The following SYNE1 variants were observed in gnomAD, a reference collection of about 807,000 sequenced individuals.
SYNE1 encodes nesprin-1.
SYNE1 carries 616 observed loss-of-function variants against 1,111.0 expected under a neutral mutation model. The observed-to-expected ratio is 0.55, with a 90% confidence interval of 0.52 to 0.59. SYNE1 has a LOEUF of 0.59. Ranked by LOEUF, SYNE1 falls within the 20% of genes least tolerant of loss-of-function variation. SYNE1 has a pLI of 0.00. For synonymous variants in SYNE1, 3,855 were observed against 3,825.8 expected, an observed-to-expected ratio of 1.01 and a Z score of -0.28; for missense variants, 10,006 against 10,417.0, an observed-to-expected ratio of 0.96 and a Z score of 1.72.
intron 8 of SYNE1, among the ~76,000 whole-genome samples, chr6:152,509,548 C>A (rs1471723586): frequency 1.3e-5 from 2 of 152,036 alleles, no homozygotes; most frequent in Non-Finnish European, 2.9e-5. Flanking sequence ...TGAGTCACTG[C>A]GTCTGGCTGA....
At chr6:152,524,227 A>G (rs1456532431) in intron 5 of SYNE1, among the ~76,000 whole-genome samples, 3 of 152,114 alleles carry the variant, frequency 2.0e-5, no homozygotes, top group African/African-American at 7.2e-5. Context: ...TGTCCCTTCT[A>G]TGACTAGTTT....
chr6:152,313,914 T>G (rs1339218791), intron 87 of SYNE1, among the ~76,000 whole-genome samples: 1 of 152,132 alleles, frequency 6.6e-6, no homozygotes. Context: ...CAACCCACCC[T>G]ACTGCTCGAG....
At chr6:152,310,944 G>A in intron 87 of SYNE1, 71 bp from the exon 88 acceptor site, 1 of 1,490,812 alleles carries the variant, frequency 6.7e-7, no homozygotes, top group Non-Finnish European at 9.2e-7. Flanking sequence ...ATATAGCTTG[G>A]CATAAAATGC....
At chr6:152,415,797 A>G in intron 41 of SYNE1, among the ~76,000 whole-genome samples, 1 of 138,646 alleles carries the variant, frequency 7.2e-6, no homozygotes, top group African/African-American at 2.6e-5. Context: ...GGTAAAAAAA[A>G]AAAAAAAAAA....
In SYNE1 at chr6:152,156,182, T is replaced by C. The variant is rs1216237816; in HGVS notation, c.23791-85A>G. ...GAAGCAACCTATGTTGGTAAATGGC[T>C]AGGCTACACCTTGACAAATATTTAA... On this transcript the variant is annotated intron_variant, in intron 131 of 145. Coordinates refer to ENST00000367255, the MANE Select transcript of SYNE1 (RefSeq NM_182961.4). 28 of 1,375,778 alleles carry C rather than the reference T, an allele frequency of 2.0e-5. No homozygotes were observed. The East Asian group carries it at 6.4e-4, about 32-fold the overall frequency. The allele number at this position is 1,375,778 out of a possible 1,614,324, so 85.2% of individuals were successfully genotyped here.
In SYNE1 at chr6:152,401,158, C is replaced by T. The variant is rs1385505345; in HGVS notation, c.7009G>A (p.Glu2337Lys). ...CCTACCTTGACTTTTTTCAATGCTTCACAAGTCTCATTTTGGGCACAGTTC... is the reference window on the plus strand; with the variant it reads ...CCTACCTTGACTTTTTTCAATGCTTTACAAGTCTCATTTTGGGCACAGTTC... ...LMNCAQNETC[E>K]ALKKVKDIQK... Residue 2337 changes from glutamate to lysine, a missense_variant, in exon 47 of 146, where the codon GAA (glutamate) becomes AAA (lysine). Coordinates refer to ENST00000367255, the MANE Select transcript of SYNE1 (RefSeq NM_182961.4). 6.2e-7 allele frequency: 1 copy of T among 1,614,064 alleles called. No homozygotes were observed. Among genetic ancestry groups the T allele is most frequent in the Non-Finnish European group, 8.5e-7 (1 of 1,180,006 alleles).
chr6:152,260,305 T>G (rs1446859227), intron 101 of SYNE1, among the ~76,000 whole-genome samples: 1 of 152,096 alleles, frequency 6.6e-6, no homozygotes, highest in Non-Finnish European at 1.5e-5. Flanking sequence ...AAGATCCGTA[T>G]CAGGAACAAG....
chr6:152,260,312 C>G (rs904867743), intron 101 of SYNE1, among the ~76,000 whole-genome samples: 3 of 152,088 alleles, frequency 2.0e-5, no homozygotes, highest in Non-Finnish European at 2.9e-5. Context: ...GTATCAGGAA[C>G]AAGGAATTTG....
intron 92 of SYNE1, among the ~76,000 whole-genome samples, chr6:152,301,202 C>T (rs1036087960): frequency 2.0e-5 from 3 of 152,064 alleles, no homozygotes. Context: ...CTGTTATTGC[C>T]AAATGGGCTC....
At chr6:152,327,010 C>T (rs9371585) in intron 78 of SYNE1, among the ~76,000 whole-genome samples, 96,135 of 152,036 alleles carry the variant, frequency 0.63, 30,586 homozygotes, top group East Asian at 0.8. Flanking sequence ...TATAACAACA[C>T]GGCCAGGCGT....
intron 1 of SYNE1, 133 bp downstream of exon 1, chr6:152,637,056 G>C (rs2099706976): frequency 1.3e-5 from 2 of 152,410 alleles, no homozygotes; most frequent in Non-Finnish European, 2.9e-5. Context: ...CCTCTGGGCA[G>C]GGTCCCTGCA....
chr6:152,595,436 C>T (rs9478342), intron 3 of SYNE1, among the ~76,000 whole-genome samples: 16,772 of 152,196 alleles, frequency 0.11, 1,368 homozygotes, highest in East Asian at 0.44. Flanking sequence ...TCCCCGCTTT[C>T]AAGGCTCTGT....
At chr6:152,592,693 C>A (rs967324808) in intron 3 of SYNE1, among the ~76,000 whole-genome samples, 2 of 152,112 alleles carry the variant, frequency 1.3e-5, no homozygotes, top group African/African-American at 4.8e-5. Flanking sequence ...GCACAGGTAC[C>A]CTCTGTATCT....
chr6:152,338,458 C>CA (rs1415318365), intron 75 of SYNE1, among the ~76,000 whole-genome samples: 1 of 151,916 alleles, frequency 6.6e-6, no homozygotes, highest in East Asian at 2.0e-4. Context: ...CCTGTCTCTA[C>CA]AAAAAGTATA....
In SYNE1 at chr6:152,318,286, G is replaced by T. The variant is rs775633727; in HGVS notation, c.16390-23C>A. On this transcript the variant is annotated intron_variant, in intron 85 of 145. Transcript: ENST00000367255. ...CACCTTGATGGTCACCAAAATGAAAGAACATTAGAGTACAGAAAATAAATT... is the reference window on the plus strand; with the variant it reads ...CACCTTGATGGTCACCAAAATGAAATAACATTAGAGTACAGAAAATAAATT... The T allele has an allele frequency of 4.3e-6, 7 of 1,613,504 alleles. No individual in the cohort carries two copies. The Admixed American group carries it at 8.3e-5, about 19-fold the overall frequency.
rs376607053 is a variant in SYNE1, at chr6:152,491,018, C to T, written c.940-2515G>A. 1.6e-4 allele frequency among the ~76,000 whole-genome samples: 24 copies of T among 152,334 alleles called. 2 individuals carry two copies. The highest frequency in any genetic ancestry group is 1.0e-3 in the Admixed American group (16 of 15,310). On this transcript the variant is annotated intron_variant, in intron 11 of 145. Coordinates refer to ENST00000367255, the MANE Select transcript of SYNE1 (RefSeq NM_182961.4). ...TTTATCTGTGGACACAAAACTCCAG[C>T]GTGGGTCACGGACTTGGGAAGACAG...
intron 41 of SYNE1, 76 bp from the exon 42 acceptor site, chr6:152,413,607 A>C: frequency 6.9e-7 from 1 of 1,447,010 alleles, no homozygotes; most frequent in Non-Finnish European, 9.6e-7. Context: ...TAAGTATATG[A>C]TGAGTCCATA....
intron 130 of SYNE1, among the ~76,000 whole-genome samples, chr6:152,170,250 T>C (rs1447747158): frequency 2.0e-5 from 3 of 152,194 alleles, no homozygotes; most frequent in Non-Finnish European, 2.9e-5. Flanking sequence ...ATGGCAATGT[T>C]CATTGATACA....
intron 138 of SYNE1, among the ~76,000 whole-genome samples, chr6:152,141,867 TGAGACCA>T: frequency 6.6e-6 from 1 of 152,112 alleles, no homozygotes; most frequent in East Asian, 1.9e-4. Flanking sequence ...CCTAGGAGTT[TGAGACCA>T]GCCTGGGCAA....
Sources: gnomAD v4.1 joint callset for allele counts (sites outside exome capture counted in the v4.1 genomes callset) on GRCh38, gnomAD v4.1.1 for gene constraint, MANE v1.5 for transcripts, NCBI Gene and HGNC (gene_info 2026-07-23, HGNC 2026-07-21) for gene names.